ROCK1: variants seen among roughly 807,000 people sequenced by gnomAD.
The protein encoded by ROCK1 is Rho associated coiled-coil containing protein kinase 1, also known as rho-associated protein kinase 1.
A neutral mutation model predicts 196.8 loss-of-function variants in ROCK1; 36 were observed. The ratio of observed to expected loss-of-function variants is 0.18; its 90% CI spans 0.14 to 0.24. The LOEUF is 0.24. Among genes scored for constraint, ROCK1 ranks in the 10% least tolerant of loss-of-function variants. The pLI is 1.00. For missense variants in ROCK1, 920 were observed against 1,562.0 expected, an observed-to-expected ratio of 0.59 and a Z score of 6.93; for synonymous variants, 443 against 515.9, an observed-to-expected ratio of 0.86 and a Z score of 1.91.
chr18:21,037,939 G>GA (rs1217810682), intron 9 of ROCK1, among the ~76,000 whole-genome samples: 1 of 152,004 alleles, frequency 6.6e-6, no homozygotes, highest in Non-Finnish European at 1.5e-5. Context: ...TACATAAAAG[G>GA]AAAAATATCC....
At chr18:20,994,280 G>C (rs569200197) in intron 16 of ROCK1, among the ~76,000 whole-genome samples, 2 of 152,306 alleles carry the variant, frequency 1.3e-5, no homozygotes, top group East Asian at 3.9e-4. Context: ...AATGTGCTAA[G>C]ATGTTTAAAT....
At chr18:20,976,812 T>C (rs1227124559) in intron 22 of ROCK1, among the ~76,000 whole-genome samples, 2 of 152,134 alleles carry the variant, frequency 1.3e-5, no homozygotes, top group African/African-American at 4.8e-5. Flanking sequence ...TCAAACTCAA[T>C]AGGCCTGAAA....
At chr18:21,067,383 C>CTTT (rs373333472) in intron 2 of ROCK1, among the ~76,000 whole-genome samples, 62 of 125,304 alleles carry the variant, frequency 4.9e-4, no homozygotes, top group Non-Finnish European at 6.8e-4. Flanking sequence ...TCTTTTCACT[C>CTTT]TTTTTTTTTT....
intron 28 of ROCK1, 27 bp downstream of exon 28, chr18:20,960,109 G>C: frequency 2.8e-6 from 4 of 1,433,522 alleles, no homozygotes; most frequent in Non-Finnish European, 3.9e-6. Flanking sequence ...CAAAATACCA[G>C]TTAGAAAATA....
Position 21,049,149 on chromosome 18 carries a change from A to G in ROCK1, c.357T>C (p.Ala119=). Residue 119 remains alanine, a synonymous_variant, in exon 4 of 33, where the codon GCT becomes GCC. Transcript: ENST00000399799. The part of the protein sequence containing the change: ...KFEMIKRSDS[A]FFWEERDIMA... ...TGATGTCCCTTTCTTCCCAGAAAAA[A>G]GCAGAATCAGATCTCTTTATCATTT... The G allele has an allele frequency of 6.2e-7, 1 of 1,612,600 alleles. No individual in the cohort carries two copies. The highest frequency in any genetic ancestry group is 2.2e-5 in the East Asian group (1 of 44,800).
At chr18:21,033,745 G>A (rs1164637560) in intron 9 of ROCK1, among the ~76,000 whole-genome samples, 6 of 150,484 alleles carry the variant, frequency 4.0e-5, no homozygotes, top group South Asian at 2.1e-4. Context: ...AAGGCCAGGC[G>A]CGGTGGCTCA....
chr18:21,111,256 C>A lies in ROCK1; in HGVS notation c.-346G>T. ...GCCGTCGCCATGGAGGGGTCCCCGT[C>A]CCGAGATGGGCAGGAGCGGGTAGAG... On this transcript the variant is annotated 5_prime_UTR_variant, in exon 1 of 33. Transcript: ENST00000399799. This position sits in a 1 kb window ranked among gnomAD's most constrained non-coding sequence, Gnocchi z 4.2. The A allele has an allele frequency of 2.1e-6, 1 of 477,656 alleles. No individual in the cohort carries two copies. Among genetic ancestry groups the A allele is most frequent in the South Asian group, 4.0e-5 (1 of 24,762 alleles). 29.6% of individuals were successfully genotyped at this position (477,656 alleles called of 1,614,324 possible).
intron 19 of ROCK1, 68 bp from the exon 20 acceptor site, chr18:20,984,603 C>A: frequency 8.5e-7 from 1 of 1,175,918 alleles, no homozygotes; most frequent in Admixed American, 2.4e-5. Flanking sequence ...ATTTGAAAGA[C>A]TACTAACCAA....
chr18:20,977,126 C>T (rs1341740190), intron 22 of ROCK1, among the ~76,000 whole-genome samples: 1 of 152,174 alleles, frequency 6.6e-6, no homozygotes, highest in Non-Finnish European at 1.5e-5. Context: ...TTCTCCACTC[C>T]TTAGAGTGAG....
intron 1 of ROCK1, among the ~76,000 whole-genome samples, chr18:21,080,708 T>G (rs1273792063): frequency 6.6e-6 from 1 of 151,958 alleles, no homozygotes; most frequent in African/African-American, 2.4e-5. Flanking sequence ...TAGGCTAATA[T>G]CAGACAAAAC....
chr18:21,087,798 T>C (rs1400771471), intron 1 of ROCK1, among the ~76,000 whole-genome samples: 1 of 152,150 alleles, frequency 6.6e-6, no homozygotes, highest in East Asian at 1.9e-4. Flanking sequence ...CTCAACACAA[T>C]TAATCAACAA....
chr18:21,108,282 G>C (rs537552171), intron 1 of ROCK1, among the ~76,000 whole-genome samples: 1 of 152,256 alleles, frequency 6.6e-6, no homozygotes, highest in South Asian at 2.1e-4. Context: ...CCTAACTCTG[G>C]AGGCCTTGAT....
chr18:21,023,777 A>T (rs2035934532), intron 10 of ROCK1, 97 bp from the exon 11 acceptor site: 1 of 541,486 alleles, frequency 1.8e-6, no homozygotes, highest in African/African-American at 2.0e-5. Context: ...TTTTATGTTC[A>T]GTTATAGTAA....
chr18:21,031,366 A>G (rs2036004564), intron 9 of ROCK1, among the ~76,000 whole-genome samples: 1 of 152,154 alleles, frequency 6.6e-6, no homozygotes, highest in Admixed American at 6.5e-5. Context: ...GCACTTTGGG[A>G]GGCTGAGGCA....
rs2036528236 is a variant in ROCK1, at chr18:21,086,408, A to G, written c.94-15795T>C. 2.0e-5 allele frequency among the ~76,000 whole-genome samples: 3 copies of G among 152,272 alleles called. No homozygotes were observed. In the South Asian group the frequency reaches 6.2e-4, roughly 32 times the overall value. ...ATTACAGGCGTGAGCCACCGCGCCCAGCCTGAAAATAATTTTTTAAAACTC... is the reference window on the plus strand; with the variant it reads ...ATTACAGGCGTGAGCCACCGCGCCCGGCCTGAAAATAATTTTTTAAAACTC... On this transcript the variant is annotated intron_variant, in intron 1 of 32. Transcript: ENST00000399799.
At chr18:20,973,220 A>T (rs182231003) in intron 22 of ROCK1, among the ~76,000 whole-genome samples, 13 of 152,282 alleles carry the variant, frequency 8.5e-5, no homozygotes, top group Admixed American at 7.2e-4. Context: ...ATATGTTTAC[A>T]TAACAATGAT....
intron 22 of ROCK1, among the ~76,000 whole-genome samples, chr18:20,979,396 G>A (rs2035509336): frequency 6.6e-6 from 1 of 152,148 alleles, no homozygotes. Context: ...GGCCAAGGTG[G>A]ACGGAATATG....
At chr18:21,081,875 C>A (rs1361075135) in intron 1 of ROCK1, among the ~76,000 whole-genome samples, 2 of 152,180 alleles carry the variant, frequency 1.3e-5, no homozygotes, top group East Asian at 3.8e-4. Context: ...TAATAATAAA[C>A]CTCTCAAGAA....
chr18:20,959,999 T>A, intron 28 of ROCK1, 71 bp from the exon 29 acceptor site: 1 of 1,077,504 alleles, frequency 9.3e-7, no homozygotes, highest in South Asian at 1.3e-5. Flanking sequence ...AAGCATAATA[T>A]TTGCCACTAA....
Sources: gnomAD v4.1 joint callset for allele counts (sites outside exome capture counted in the v4.1 genomes callset) on GRCh38, gnomAD v4.1.1 for gene constraint, Gnocchi (gnomAD v3.1) non-coding constraint, MANE v1.5 for transcripts, NCBI Gene and HGNC (gene_info 2026-07-23, HGNC 2026-07-21) for gene names.